The following FRMD4B variants were observed in gnomAD, a reference collection of about 807,000 sequenced individuals.
FRMD4B encodes the protein FERM domain-containing protein 4B.
Under a neutral mutation model 141.5 loss-of-function variants are expected in FRMD4B, and 74 were observed. The observed-to-expected ratio is 0.52, with a 90% CI of 0.43 to 0.63. FRMD4B has a LOEUF of 0.63. Among genes scored for constraint, FRMD4B ranks in the 30% least tolerant of loss-of-function variants. The probability of loss-of-function intolerance (pLI) is 0.00; values close to 1 mark genes in which losing one functional copy is unlikely to be tolerated. For synonymous variants in FRMD4B, 506 were observed against 467.9 expected, an observed-to-expected ratio of 1.08 and a Z score of -1.05; for missense variants, 1,366 against 1,253.4, an observed-to-expected ratio of 1.09 and a Z score of -1.36.
intron 11 of FRMD4B, among the ~76,000 whole-genome samples, chr3:69,205,059 C>CAAAAAAAA (rs33955997): frequency 1.5e-4 from 19 of 124,406 alleles, no homozygotes; most frequent in East Asian, 7.9e-4. Context: ...ATGTTTTTAA[C>CAAAAAAAA]AAAAAAAAAA....
intron 1 of FRMD4B, chr3:69,535,703 T>C (rs1701074274): frequency 2.6e-6 from 1 of 390,384 alleles, no homozygotes; most frequent in African/African-American, 2.1e-5. Context: ...GAGGAGACCG[T>C]AATGGGCAGT....
intron 2 of FRMD4B, among the ~76,000 whole-genome samples, chr3:69,403,509 C>T (rs951801106): frequency 6.6e-6 from 1 of 152,086 alleles, no homozygotes; most frequent in African/African-American, 2.4e-5. Flanking sequence ...AGAAAGGAAC[C>T]CTTCCCCCTG....
intron 7 of FRMD4B, among the ~76,000 whole-genome samples, chr3:69,248,845 C>T (rs1419572674): frequency 2.0e-5 from 3 of 152,226 alleles, no homozygotes; most frequent in Admixed American, 1.3e-4. Context: ...AACTAAGCAG[C>T]TGATGGATTT....
chr3:69,400,981 A>G (rs189782789), intron 2 of FRMD4B, among the ~76,000 whole-genome samples: 1 of 152,336 alleles, frequency 6.6e-6, no homozygotes, highest in Admixed American at 6.5e-5. Flanking sequence ...AGAGAATGTC[A>G]ATGGTTACCG....
chr3:69,205,255 G>A (rs910079727), intron 11 of FRMD4B, among the ~76,000 whole-genome samples: 6 of 151,178 alleles, frequency 4.0e-5, no homozygotes, highest in African/African-American at 7.3e-5. Flanking sequence ...CAGCAGCCTC[G>A]ACTTCTCGGG....
chr3:69,246,058 A>C (rs1296853050), intron 7 of FRMD4B, among the ~76,000 whole-genome samples: 2 of 151,964 alleles, frequency 1.3e-5, no homozygotes, highest in Non-Finnish European at 2.9e-5. Context: ...GCTGGTCTCG[A>C]ATTCCCGACC....
At chr3:69,186,339 G>A (rs1269690399) in intron 19 of FRMD4B, among the ~76,000 whole-genome samples, 1 of 149,510 alleles carries the variant, frequency 6.7e-6, no homozygotes, top group African/African-American at 2.5e-5. Flanking sequence ...GTGAAATCCT[G>A]GGCTCAAGCA....
intron 1 of FRMD4B, among the ~76,000 whole-genome samples, chr3:69,331,959 G>A (rs72934895): frequency 6.6e-6 from 1 of 152,060 alleles, no homozygotes; most frequent in Non-Finnish European, 1.5e-5. Flanking sequence ...GCAGTGGCTG[G>A]TGCCTGTAAT....
chr3:69,465,552 C>A (rs992553863), intron 1 of FRMD4B, among the ~76,000 whole-genome samples: 2 of 151,922 alleles, frequency 1.3e-5, no homozygotes, highest in African/African-American at 2.4e-5. Context: ...TCCCCCAGCC[C>A]CCGACAGGCC....
chr3:69,362,138 C>G (rs781655249), intron 1 of FRMD4B, among the ~76,000 whole-genome samples: 2 of 152,144 alleles, frequency 1.3e-5, no homozygotes, highest in Non-Finnish European at 2.9e-5. Context: ...ATAACAAGCA[C>G]TTATATAGTA....
intron 7 of FRMD4B, among the ~76,000 whole-genome samples, chr3:69,232,746 C>A (rs1296193110): frequency 6.6e-6 from 1 of 151,914 alleles, no homozygotes; most frequent in Non-Finnish European, 1.5e-5. Flanking sequence ...CAGAGACTGG[C>A]GTAGAAGGGA....
chr3:69,486,472 T>G (rs961249797), intron 1 of FRMD4B, among the ~76,000 whole-genome samples: 4 of 152,192 alleles, frequency 2.6e-5, no homozygotes, highest in African/African-American at 9.7e-5. Flanking sequence ...AAACACTATA[T>G]GGACAAAAGA....
rs372986121 is a variant in FRMD4B at position 69,414,844 on chromosome 3, C to G, written c.-1+17790G>C. 2.7e-5 allele frequency among the ~76,000 whole-genome samples: 4 copies of G among 150,376 alleles called. No individual in the cohort carries two copies. In the East Asian group the frequency reaches 7.9e-4, roughly 30 times the overall value. ...GGCTTCTATTGTACTTATGTTGAGACTCACAGCGAACAAGCTGTTTTTTTT... is the reference window on the plus strand; with the variant it reads ...GGCTTCTATTGTACTTATGTTGAGAGTCACAGCGAACAAGCTGTTTTTTTT... On this transcript the variant is annotated intron_variant, in intron 2 of 5. Coordinates refer to the FRMD4B transcript ENST00000459638.
At chr3:69,193,970 A>C in intron 16 of FRMD4B, 97 bp from the exon 17 acceptor site, 1 of 737,878 alleles carries the variant, frequency 1.4e-6, no homozygotes, top group Non-Finnish European at 2.2e-6. Flanking sequence ...TTCTTGAATC[A>C]GACGTTCTTT....
chr3:69,477,331 G>A (rs1456287324), intron 1 of FRMD4B, among the ~76,000 whole-genome samples: 1 of 144,524 alleles, frequency 6.9e-6, no homozygotes, highest in Non-Finnish European at 1.5e-5. Context: ...GTATGATATT[G>A]GCTGTGGGTT....
chr3:69,218,458 C>T (rs775150524), intron 9 of FRMD4B, 79 bp from the exon 10 acceptor site: 2 of 653,208 alleles, frequency 3.1e-6, no homozygotes, highest in Non-Finnish European at 5.4e-6. Context: ...TAAAGAAACA[C>T]CACGTTTCTA....
chr3:69,324,336 T>G (rs1202111974), intron 1 of FRMD4B, among the ~76,000 whole-genome samples: 1 of 152,268 alleles, frequency 6.6e-6, no homozygotes, highest in East Asian at 1.9e-4. Flanking sequence ...ATGTGTTCAT[T>G]CATTCACTTA....
At chr3:69,312,842 T>C (rs1701644726) in intron 2 of FRMD4B, among the ~76,000 whole-genome samples, 2 of 152,058 alleles carry the variant, frequency 1.3e-5, no homozygotes. Context: ...TGAGCTGAGA[T>C]TATGCTACTG....
intron 1 of FRMD4B, among the ~76,000 whole-genome samples, chr3:69,326,744 A>C (rs985515688): frequency 2.0e-5 from 3 of 152,250 alleles, no homozygotes; most frequent in African/African-American, 7.2e-5. Flanking sequence ...TCTACATGGA[A>C]GAAACTTCAG....
Sources: allele counts gnomAD v4.1 joint callset (sites outside exome capture counted in the v4.1 genomes callset), GRCh38; gene constraint gnomAD v4.1.1; transcripts MANE v1.5; gene names NCBI Gene and HGNC (gene_info 2026-07-23, HGNC 2026-07-21).